Variants in ALDH1A2 observed in about 807,000 individuals in gnomAD.
ALDH1A2 encodes the protein aldehyde dehydrogenase 1 family member A2.
A neutral mutation model predicts 60.3 loss-of-function variants in ALDH1A2; 27 were observed. The observed-to-expected ratio is 0.45, with a 90% CI of 0.33 to 0.62. The LOEUF is 0.62. Ranked by LOEUF, ALDH1A2 falls within the 20% of genes least tolerant of loss-of-function variation. The pLI, the probability that ALDH1A2 is intolerant of heterozygous loss-of-function variation, is 0.02. For synonymous variants in ALDH1A2, 289 were observed against 232.4 expected, an observed-to-expected ratio of 1.24 and a Z score of -2.21; for missense variants, 581 against 643.8, an observed-to-expected ratio of 0.90 and a Z score of 1.06.
At chr15:58,047,520 G>A (rs1459986200) in intron 1 of ALDH1A2, among the ~76,000 whole-genome samples, 6 of 152,002 alleles carry the variant, frequency 3.9e-5, no homozygotes, top group East Asian at 3.9e-4. Flanking sequence ...AAATGGCAGC[G>A]CTATCATTTA....
At chr15:58,055,381 T>A (rs1279325438) in intron 1 of ALDH1A2, among the ~76,000 whole-genome samples, 4 of 152,084 alleles carry the variant, frequency 2.6e-5, no homozygotes, top group African/African-American at 9.7e-5. Flanking sequence ...TAAGAAAACA[T>A]TCTTGAAGTT....
At chr15:58,053,121 T>C (rs1327565318) in intron 1 of ALDH1A2, among the ~76,000 whole-genome samples, 3 of 151,922 alleles carry the variant, frequency 2.0e-5, no homozygotes. Context: ...AAAAAATGAG[T>C]CTACAAATTA....
intron 1 of ALDH1A2, among the ~76,000 whole-genome samples, chr15:58,064,710 C>T (rs1261342609): frequency 2.0e-5 from 3 of 152,118 alleles, no homozygotes; most frequent in Non-Finnish European, 4.4e-5. Flanking sequence ...ATTACAATAC[C>T]CCTACGTTTG....
intron 7 of ALDH1A2, among the ~76,000 whole-genome samples, chr15:57,972,265 C>T (rs1025944483): frequency 6.6e-6 from 1 of 152,204 alleles, no homozygotes; most frequent in African/African-American, 2.4e-5. Flanking sequence ...CTTCTCCCTC[C>T]TCTTCTCCAG....
At chr15:57,973,714 G>A (rs1429286514) in intron 7 of ALDH1A2, among the ~76,000 whole-genome samples, 1 of 152,154 alleles carries the variant, frequency 6.6e-6, no homozygotes, top group Non-Finnish European at 1.5e-5. Flanking sequence ...TTTAGTGTCT[G>A]CCAATAATGT....
chr15:57,993,578 T>C (rs1295469220), intron 5 of ALDH1A2, among the ~76,000 whole-genome samples: 1 of 152,202 alleles, frequency 6.6e-6, no homozygotes, highest in African/African-American at 2.4e-5. Flanking sequence ...CAAACATATA[T>C]GATTACAAAA....
chr15:58,022,443 A>G (rs961475482), intron 1 of ALDH1A2, among the ~76,000 whole-genome samples: 6 of 151,850 alleles, frequency 4.0e-5, no homozygotes, highest in African/African-American at 1.5e-4. Context: ...TCATCCTACT[A>G]CTGCTACTGC....
At chr15:58,023,823 G>A (rs1313756173) in intron 1 of ALDH1A2, among the ~76,000 whole-genome samples, 1 of 152,180 alleles carries the variant, frequency 6.6e-6, no homozygotes, top group Admixed American at 6.5e-5. Context: ...TGGGCAGGGT[G>A]GTGCATGCTT....
At chr15:57,972,022 G>A (rs1310562171) in intron 7 of ALDH1A2, among the ~76,000 whole-genome samples, 1 of 152,186 alleles carries the variant, frequency 6.6e-6, no homozygotes, top group Admixed American at 6.5e-5. Flanking sequence ...GAGCCATCGT[G>A]TCCAGCTAAT....
chr15:57,985,562 C>T (rs1210493280), intron 7 of ALDH1A2, among the ~76,000 whole-genome samples: 3 of 152,134 alleles, frequency 2.0e-5, no homozygotes, highest in African/African-American at 7.2e-5. Flanking sequence ...AAATAGTAAA[C>T]CCTATGCTTA....
intron 12 of ALDH1A2, among the ~76,000 whole-genome samples, chr15:57,957,428 C>T (rs192860601): frequency 9.2e-4 from 140 of 152,296 alleles, no homozygotes; most frequent in Non-Finnish European, 1.7e-3. Context: ...GAAACATGCT[C>T]AGAGGTCATT....
chr15:57,999,764 G>T (rs945313588), intron 4 of ALDH1A2, among the ~76,000 whole-genome samples: 5 of 151,920 alleles, frequency 3.3e-5, no homozygotes, highest in African/African-American at 9.7e-5. Flanking sequence ...ACATGCATGT[G>T]TATGTTCATT....
chr15:57,965,734 C>T lies in ALDH1A2; in HGVS notation c.892G>A (p.Asp298Asn). 1 of 1,613,044 alleles carries T rather than the reference C, an allele frequency of 6.2e-7. No homozygotes were observed. The highest frequency in any genetic ancestry group is 1.1e-5 in the South Asian group (1 of 91,064). Residue 298 changes from aspartate (D) to asparagine (N), a missense_variant, in exon 8 of 13, where the codon GAT (aspartate) becomes AAT (asparagine). Physicochemically the swap from Asp to Asn is conservative, Grantham distance 23. Transcript: ENST00000249750. ...CCTGTAGTTGACTTACAGTCAGCAT[C>T]AGCAAAAATAATATTAGGACTTTTG... ...GGKSPNIIFA[D>N]ADLDYAVEQA...
chr15:57,977,621 G>C (rs1199431792), intron 7 of ALDH1A2, among the ~76,000 whole-genome samples: 1 of 152,180 alleles, frequency 6.6e-6, no homozygotes, highest in Non-Finnish European at 1.5e-5. Flanking sequence ...CTGTAACCTT[G>C]TAGTAAAGTT....
intron 4 of ALDH1A2, among the ~76,000 whole-genome samples, chr15:58,008,893 C>G (rs750473389): frequency 6.6e-6 from 1 of 152,030 alleles, no homozygotes; most frequent in Non-Finnish European, 1.5e-5. Flanking sequence ...TTAGGCCATC[C>G]CCACATCTTG....
intron 1 of ALDH1A2, among the ~76,000 whole-genome samples, chr15:58,052,471 T>A (rs1343161580): frequency 6.6e-6 from 1 of 152,124 alleles, no homozygotes. Flanking sequence ...ATTTTTTATT[T>A]TTTTTATTTT....
intron 1 of ALDH1A2, among the ~76,000 whole-genome samples, chr15:58,033,471 AT>A (rs1344856099): frequency 1.3e-5 from 2 of 151,706 alleles, no homozygotes; most frequent in Non-Finnish European, 2.9e-5. Context: ...ATGGTATTTT[AT>A]CATGCATATT....
intron 1 of ALDH1A2, among the ~76,000 whole-genome samples, chr15:58,052,436 A>T (rs549085548): frequency 6.6e-6 from 1 of 152,078 alleles, no homozygotes; most frequent in African/African-American, 2.4e-5. Flanking sequence ...TCATTTTGTA[A>T]GTAACAAAGC....
At chr15:58,011,649 T>G (rs1238080281) in intron 3 of ALDH1A2, among the ~76,000 whole-genome samples, 1 of 152,196 alleles carries the variant, frequency 6.6e-6, no homozygotes, top group Non-Finnish European at 1.5e-5. Flanking sequence ...AAAGCTAAAA[T>G]TAAAATATTC....
Sources: gnomAD v4.1 joint callset for allele counts (sites outside exome capture counted in the v4.1 genomes callset) on GRCh38, gnomAD v4.1.1 for gene constraint, MANE v1.5 for transcripts, NCBI Gene and HGNC (gene_info 2026-07-23, HGNC 2026-07-21) for gene names.